MCC: variants seen among roughly 807,000 people sequenced by gnomAD.
The protein encoded by MCC is colorectal mutant cancer protein.
MCC carries 90 observed loss-of-function variants against 116.2 expected under a neutral mutation model. That is an observed-to-expected ratio of 0.77 (90% CI 0.65 to 0.92). The LOEUF is 0.92. Among genes scored for constraint, MCC ranks in the 40% least tolerant of loss-of-function variants. The pLI, the probability that MCC is intolerant of heterozygous loss-of-function variation, is 0.00. For missense variants in MCC, 1,516 were observed against 1,312.2 expected (o/e 1.16, Z -2.40); for synonymous variants, 578 against 510.5 (o/e 1.13, Z -1.78).
intron 1 of MCC, among the ~76,000 whole-genome samples, chr5:113,432,337 A>AG: frequency 6.6e-6 from 1 of 151,510 alleles, no homozygotes; most frequent in African/African-American, 2.4e-5. Context: ...AAAAAAAAAA[A>AG]AAAAAAGAAA....
At chr5:113,309,049 A>G (rs1014784457) in intron 3 of MCC, among the ~76,000 whole-genome samples, 6 of 152,196 alleles carry the variant, frequency 3.9e-5, no homozygotes. Context: ...TCAAATAATA[A>G]ATCTCTTTAT....
chr5:113,176,169 G>C (rs1761321066), intron 3 of MCC, among the ~76,000 whole-genome samples: 1 of 152,170 alleles, frequency 6.6e-6, no homozygotes, highest in Admixed American at 6.5e-5. Flanking sequence ...ATTTCTTGCT[G>C]AGAAATAGCT....
intron 3 of MCC, among the ~76,000 whole-genome samples, chr5:113,276,808 T>TA (rs1765843703): frequency 1.3e-5 from 2 of 149,314 alleles, no homozygotes; most frequent in African/African-American, 2.5e-5. Context: ...TCTTCTTATT[T>TA]TTTTTTTTTT....
intron 8 of MCC, among the ~76,000 whole-genome samples, chr5:113,087,521 C>T (rs548704942): frequency 3.3e-5 from 5 of 152,266 alleles, no homozygotes; most frequent in African/African-American, 1.2e-4. Flanking sequence ...CTCATTATGC[C>T]ACAAAGAGAG....
intron 1 of MCC, among the ~76,000 whole-genome samples, chr5:113,464,089 G>T (rs942900192): frequency 1.4e-5 from 2 of 139,156 alleles, no homozygotes; most frequent in African/African-American, 2.7e-5. Context: ...TACTGACAAG[G>T]TCACTAGTGA....
Position 113,463,579 on chromosome 5 carries a change from C to G in MCC, c.170+24666G>C, listed in dbSNP as rs1054724267. 2.0e-5 allele frequency among the ~76,000 whole-genome samples: 3 copies of G among 152,292 alleles called. No homozygotes were observed. In the South Asian group the frequency reaches 6.2e-4, roughly 32 times the overall value. Reference sequence around the variant, plus strand: ...AAGTGGGTGTACATGGTCACATTCACTGAGAGAGCAAGCCTGGAAGATTAG... The same window carrying G: ...AAGTGGGTGTACATGGTCACATTCAGTGAGAGAGCAAGCCTGGAAGATTAG... On this transcript the variant is annotated intron_variant, in intron 1 of 18. Coordinates refer to ENST00000408903, the MANE Select transcript of MCC (RefSeq NM_001085377.2).
At chr5:113,042,232 G>A (rs1167212414) in intron 17 of MCC, among the ~76,000 whole-genome samples, 1 of 151,162 alleles carries the variant, frequency 6.6e-6, no homozygotes, top group Non-Finnish European at 1.5e-5. Context: ...AACATTTTGG[G>A]AGGCCAAGAT....
intron 12 of MCC, among the ~76,000 whole-genome samples, 154 bp from the exon 13 acceptor site, chr5:113,068,337 G>A (rs1384251844): frequency 1.3e-5 from 2 of 152,226 alleles, no homozygotes; most frequent in South Asian, 2.1e-4. Flanking sequence ...CCAGGGCAGG[G>A]CCAGTGGCTT....
intron 17 of MCC, among the ~76,000 whole-genome samples, chr5:113,033,466 T>G (rs776404940): frequency 1.3e-5 from 2 of 152,244 alleles, no homozygotes; most frequent in African/African-American, 4.8e-5. Context: ...TCAAGTCACA[T>G]TGAAACCTCA....
chr5:113,138,089 T>A lies in MCC; in HGVS notation c.884+5129A>T, dbSNP rs182257518. 3.3e-4 allele frequency among the ~76,000 whole-genome samples: 50 copies of A among 152,058 alleles called. No homozygotes were observed. In the East Asian group the frequency reaches 9.1e-3, roughly 28 times the overall value. On this transcript the variant is annotated intron_variant, in intron 5 of 18. Coordinates refer to ENST00000408903, the MANE Select transcript of MCC (RefSeq NM_001085377.2). The stretch of plus-strand genomic sequence containing the variant: ...TGGAGTGCAGTGGTGCGACCTTGGC[T>A]CACTGCAACCTCCACCTCCTGGGTT...
intron 1 of MCC, chr5:113,437,255 G>C (rs1418578566): frequency 6.6e-6 from 1 of 152,174 alleles, no homozygotes; most frequent in Non-Finnish European, 1.5e-5. Flanking sequence ...AAATGCAAGA[G>C]AGAGCAGGGA....
intron 3 of MCC, among the ~76,000 whole-genome samples, chr5:113,152,698 G>T (rs1490365742): frequency 1.3e-5 from 2 of 152,166 alleles, no homozygotes; most frequent in Non-Finnish European, 2.9e-5. Context: ...TTGAGTGAGG[G>T]AGAAGCAGAT....
intron 5 of MCC, among the ~76,000 whole-genome samples, chr5:113,139,716 A>T (rs1414031726): frequency 1.3e-5 from 2 of 152,200 alleles, no homozygotes; most frequent in African/African-American, 4.8e-5. Context: ...AAGATCTAGA[A>T]CTAGACATAC....
chr5:113,286,898 T>C (rs1766283256), intron 3 of MCC, among the ~76,000 whole-genome samples: 1 of 152,206 alleles, frequency 6.6e-6, no homozygotes, highest in Non-Finnish European at 1.5e-5. Flanking sequence ...ATTTTGGCTG[T>C]TTCTAGTCAA....
At chr5:113,419,628 C>T (rs1304962484) in intron 1 of MCC, among the ~76,000 whole-genome samples, 1 of 151,674 alleles carries the variant, frequency 6.6e-6, no homozygotes, top group Non-Finnish European at 1.5e-5. Flanking sequence ...ACCCAAATGT[C>T]CAACAATGAT....
chr5:113,309,682 AC>A (rs1229309790), intron 3 of MCC, among the ~76,000 whole-genome samples: 2 of 152,170 alleles, frequency 1.3e-5, no homozygotes, highest in Non-Finnish European at 2.9e-5. Context: ...TTGTGCTGTG[AC>A]AAACATATGA....
chr5:113,194,243 T>C (rs1169312821), intron 3 of MCC, among the ~76,000 whole-genome samples: 1 of 152,242 alleles, frequency 6.6e-6, no homozygotes, highest in African/African-American at 2.4e-5. Flanking sequence ...GACATGGTGA[T>C]AACCTAACTT....
At chr5:113,072,588 A>T (rs1233830193) in intron 11 of MCC, among the ~76,000 whole-genome samples, 7 of 152,140 alleles carry the variant, frequency 4.6e-5, no homozygotes, top group Admixed American at 4.6e-4. Context: ...CACTTAAGCC[A>T]TGGTGGGTCT....
chr5:113,182,398 CAT>C (rs1761672717), intron 3 of MCC, among the ~76,000 whole-genome samples: 1 of 152,158 alleles, frequency 6.6e-6, no homozygotes, highest in African/African-American at 2.4e-5. Context: ...TCAAAACACA[CAT>C]ATTGGGTATC....
Sources: allele counts gnomAD v4.1 joint callset (sites outside exome capture counted in the v4.1 genomes callset), GRCh38; gene constraint gnomAD v4.1.1; transcripts MANE v1.5; gene names NCBI Gene and HGNC (gene_info 2026-07-23, HGNC 2026-07-21).